Variants in IFT56 observed in about 807,000 individuals in gnomAD.
IFT56 encodes the protein intraflagellar transport 56, also known as intraflagellar transport protein 56.
At chr7:139,157,534 C>T in the IFT56 span, among the ~76,000 whole-genome samples, 6 of 115,352 alleles carry the variant, frequency 5.2e-5, no homozygotes, top group Admixed American at 3.2e-4. Flanking sequence ...AGCTCTGGCT[C>T]TTTCACCCAG....
the IFT56 span, among the ~76,000 whole-genome samples, chr7:139,182,284 C>T: frequency 1.3e-5 from 2 of 151,930 alleles, no homozygotes; most frequent in Non-Finnish European, 2.9e-5. Context: ...TTAAATTAAT[C>T]AACAAAAGCT....
the IFT56 span, among the ~76,000 whole-genome samples, chr7:139,159,027 A>G: frequency 6.6e-6 from 1 of 152,218 alleles, no homozygotes; most frequent in Admixed American, 6.5e-5. Context: ...AATTTGTTGC[A>G]TCAATACATA....
At chr7:139,166,850 A>G in the IFT56 span, 2 of 1,583,164 alleles carry the variant, frequency 1.3e-6, no homozygotes, top group African/African-American at 2.7e-5. Flanking sequence ...ATGATGTACA[A>G]GAAGCTTATA....
the IFT56 span, chr7:139,166,810 G>T: frequency 1.5e-6 from 2 of 1,363,488 alleles, no homozygotes; most frequent in South Asian, 2.4e-5. Context: ...CTGGAATACA[G>T]ACTAGTATAA....
the IFT56 span, among the ~76,000 whole-genome samples, chr7:139,149,813 C>G: frequency 6.6e-6 from 1 of 152,044 alleles, no homozygotes. Flanking sequence ...TTATTACCTC[C>G]TTTTGTTTCA....
the IFT56 span, among the ~76,000 whole-genome samples, chr7:139,174,864 T>C: frequency 4.6e-3 from 693 of 151,804 alleles, 7 homozygotes; most frequent in African/African-American, 0.016. Flanking sequence ...CTACTAAAAA[T>C]GCAAAAAATT....
At chr7:139,189,300 C>A in the IFT56 span, 2 of 1,510,764 alleles carry the variant, frequency 1.3e-6, no homozygotes, top group Non-Finnish European at 1.8e-6. Context: ...AACACTTTGT[C>A]TTTTCAAATC....
At chr7:139,179,224 T>A in the IFT56 span, among the ~76,000 whole-genome samples, 3 of 152,204 alleles carry the variant, frequency 2.0e-5, no homozygotes, top group Non-Finnish European at 2.9e-5. Context: ...TCTACAAAAA[T>A]TTTTTTAAAA....
chr7:139,187,386 A>G, the IFT56 span: 2 of 1,613,126 alleles, frequency 1.2e-6, no homozygotes, highest in East Asian at 2.2e-5. Context: ...AAGTATTACC[A>G]CATACGTTCT....
At chr7:139,178,771 A>G in the IFT56 span, among the ~76,000 whole-genome samples, 27 of 152,324 alleles carry the variant, frequency 1.8e-4, no homozygotes, top group East Asian at 4.2e-3. Context: ...CTGTAGTCCC[A>G]GCTACTTGGG....
At chr7:139,177,932 C>G in the IFT56 span, among the ~76,000 whole-genome samples, 33 of 152,192 alleles carry the variant, frequency 2.2e-4, no homozygotes, top group African/African-American at 7.7e-4. Context: ...CATCAAAGCC[C>G]TGAAAAATGA....
At chr7:139,173,222 C>G in the IFT56 span, 1 of 462,276 alleles carries the variant, frequency 2.2e-6, no homozygotes, top group South Asian at 3.3e-5. Flanking sequence ...TGTACAAAGT[C>G]ACCTTTTTTT....
chr7:139,177,517 T>C, the IFT56 span, among the ~76,000 whole-genome samples: 1 of 152,018 alleles, frequency 6.6e-6, no homozygotes, highest in Non-Finnish European at 1.5e-5. Context: ...ATTAGTGGCA[T>C]CAACTAATCC....
the IFT56 span, chr7:139,189,637 T>C: frequency 2.6e-6 from 1 of 378,920 alleles, no homozygotes; most frequent in Admixed American, 4.5e-5. Context: ...TGTATGATCC[T>C]AGTAGCAATA....
At chr7:139,179,117 C>A in the IFT56 span, among the ~76,000 whole-genome samples, 1 of 152,216 alleles carries the variant, frequency 6.6e-6, no homozygotes, top group Non-Finnish European at 1.5e-5. Context: ...AGCTGGCTCA[C>A]ACCTATAATC....
chr7:139,184,235 T>G, the IFT56 span, among the ~76,000 whole-genome samples: 1 of 152,144 alleles, frequency 6.6e-6, no homozygotes, highest in Admixed American at 6.5e-5. Flanking sequence ...CGTTCTACTC[T>G]CCCTAGGCTT....
chr7:139,139,277 G>A, the IFT56 span, among the ~76,000 whole-genome samples: 2 of 152,268 alleles, frequency 1.3e-5, no homozygotes, highest in East Asian at 3.9e-4. Flanking sequence ...ACAGAATAGA[G>A]GATGCTAGTA....
chr7:139,191,498 C>G, the IFT56 span: 2 of 152,132 alleles, frequency 1.3e-5, no homozygotes, highest in African/African-American at 2.4e-5. Flanking sequence ...AGTCAAAAAG[C>G]TTTTCCATTG....
At chr7:139,136,387 T>G in the IFT56 span, among the ~76,000 whole-genome samples, 1 of 152,074 alleles carries the variant, frequency 6.6e-6, no homozygotes, top group Non-Finnish European at 1.5e-5. Context: ...CATCAGTCTG[T>G]TTTCCTCTTT....
Sources: gnomAD v4.1 joint callset for allele counts (sites outside exome capture counted in the v4.1 genomes callset) on GRCh38, gnomAD v4.1.1 for gene constraint, MANE v1.5 for transcripts, NCBI Gene and HGNC (gene_info 2026-07-23, HGNC 2026-07-21) for gene names.